Variants in ZNF331 observed in about 807,000 individuals in gnomAD.
ZNF331 encodes zinc finger protein 331, also known as C2H2-like zinc finger protein rearranged in thyroid adenomas.
Under a neutral mutation model 7.0 loss-of-function variants are expected in ZNF331, and 2 were observed. That is an observed-to-expected ratio of 0.29 (90% CI 0.12 to 0.90). The LOEUF is 0.90. Ranked by LOEUF, ZNF331 falls within the 40% of genes least tolerant of loss-of-function variation. The probability of loss-of-function intolerance (pLI) is 0.58; values close to 1 mark genes in which losing one functional copy is unlikely to be tolerated. For synonymous variants in ZNF331, 196 were observed against 205.4 expected (o/e 0.95, Z 0.39); for missense variants, 432 against 587.7 (o/e 0.74, Z 2.74).
chr19:53,536,562 A>G (rs1292529581), upstream of ZNF331, among the ~76,000 whole-genome samples: 2 of 152,186 alleles, frequency 1.3e-5, no homozygotes, highest in African/African-American at 4.8e-5. Context: ...ACCATGGTTT[A>G]ATCTGATTTT....
rs544063567 is a variant in ZNF331, at chr19:53,539,809, C to T, written c.-138+527C>T. On this transcript the variant is annotated intron_variant, in intron 2 of 5. Coordinates refer to ENST00000449416, the MANE Select transcript of ZNF331 (RefSeq NM_001079906.2). This position sits in a 1 kb window ranked among gnomAD's most constrained non-coding sequence, Gnocchi z 6.1. ...ACATTTAGACCCATTGGTCTACAAT[C>T]GAAGGCTGTGTACCTTGACCACAAT... Among the ~76,000 whole-genome samples the T allele has an allele frequency of 7.2e-5, 11 of 152,258 alleles. No homozygotes were observed. In the South Asian group the frequency reaches 1.4e-3, roughly 20 times the overall value.
chr19:53,545,888 G>T (rs1404759536), intron 2 of ZNF331, among the ~76,000 whole-genome samples: 1 of 152,134 alleles, frequency 6.6e-6, no homozygotes, highest in African/African-American at 2.4e-5. Context: ...GGAGGGAGAG[G>T]TGACTAACTT....
chr19:53,568,214 C>A (rs750539331), intron 3 of ZNF331, among the ~76,000 whole-genome samples: 2 of 150,328 alleles, frequency 1.3e-5, no homozygotes, highest in Non-Finnish European at 2.9e-5. Context: ...CACTGCACTC[C>A]AGCCTGGGCA....
chr19:53,520,755 G>T (rs539595761), upstream of ZNF331, among the ~76,000 whole-genome samples: 1 of 152,300 alleles, frequency 6.6e-6, no homozygotes, highest in East Asian at 1.9e-4. Context: ...CGCCCTTCCA[G>T]ATACGTCGAT....
chr19:53,559,820 A>T (rs1229334025), intron 3 of ZNF331, among the ~76,000 whole-genome samples: 1 of 151,316 alleles, frequency 6.6e-6, no homozygotes, highest in Non-Finnish European at 1.5e-5. Flanking sequence ...ACACACCATA[A>T]CACACGTATA....
intron 2 of ZNF331, among the ~76,000 whole-genome samples, chr19:53,546,709 G>A (rs1268136724): frequency 6.6e-6 from 1 of 152,186 alleles, no homozygotes; most frequent in Non-Finnish European, 1.5e-5. Context: ...AAGTTAGTTT[G>A]TTTAGTCTGT....
intron 5 of ZNF331, among the ~76,000 whole-genome samples, chr19:53,575,892 C>T (rs1488753834): frequency 6.6e-6 from 1 of 151,912 alleles, no homozygotes; most frequent in Non-Finnish European, 1.5e-5. Context: ...CCGTGTTGGC[C>T]AGGCTGGTCT....
At chr19:53,546,574 T>C (rs2088633134) in intron 2 of ZNF331, among the ~76,000 whole-genome samples, 1 of 151,556 alleles carries the variant, frequency 6.6e-6, no homozygotes, top group Non-Finnish European at 1.5e-5. Flanking sequence ...TCCTAGAGGT[T>C]CATGTTAGCG....
chr19:53,536,852 G>A (rs1344177309), upstream of ZNF331, among the ~76,000 whole-genome samples: 4 of 152,166 alleles, frequency 2.6e-5, no homozygotes, highest in African/African-American at 9.7e-5. Context: ...GCAGTGAGCC[G>A]AGATCGCACC....
upstream of ZNF331, chr19:53,520,968 C>G (rs948345873): frequency 1.3e-5 from 2 of 152,290 alleles, no homozygotes; most frequent in East Asian, 1.9e-4. Context: ...TGACGGGCGC[C>G]CTTCCAGCTG....
Position 53,558,306 on chromosome 19 carries a change from G to T in ZNF331, c.-74+2398G>T, listed in dbSNP as rs2097009079. Among the ~76,000 whole-genome samples, 1 of 152,170 alleles carries T rather than the reference G, an allele frequency of 6.6e-6. No individual in the cohort carries two copies. The highest frequency in any genetic ancestry group is 2.1e-4 in the South Asian group (1 of 4,828). ...AGATGAAGAGATATGTAGGACTAGG[G>T]TTGGAAGAGTCCCAAGCACAGGAGC... On this transcript the variant is annotated intron_variant, in intron 3 of 5. Coordinates refer to ENST00000449416, the MANE Select transcript of ZNF331 (RefSeq NM_001079906.2). This position sits in a 1 kb window ranked among gnomAD's most constrained non-coding sequence, Gnocchi z 4.5.
At chr19:53,566,962 C>CATGTGTATGTGT (rs918381302) in intron 3 of ZNF331, among the ~76,000 whole-genome samples, 2 of 151,850 alleles carry the variant, frequency 1.3e-5, no homozygotes, top group African/African-American at 2.4e-5. Flanking sequence ...CATATATATA[C>CATGTGTATGTGT]ATGTGTATGT....
chr19:53,520,578 T>TG (rs200345690), upstream of ZNF331, among the ~76,000 whole-genome samples: 1,938 of 152,258 alleles, frequency 0.013, 17 homozygotes, highest in Non-Finnish European at 0.019. Context: ...CAGAAGTCTA[T>TG]GGGGGGTGCA....
At position 53,542,394 on chromosome 19, in the gene ZNF331, A is replaced by C. The variant is rs138532488; in HGVS notation, c.-138+3112A>C. ...GACATCACAATAATCACCCATGAAC[A>C]CTAATCACTGGGTGCCTTGCAGATA... On this transcript the variant is annotated intron_variant, in intron 2 of 5. Transcript: ENST00000449416. 3.9e-5 allele frequency among the ~76,000 whole-genome samples: 6 copies of C among 152,212 alleles called. No homozygotes were observed. In the East Asian group the frequency reaches 1.2e-3, roughly 29 times the overall value.
intron 5 of ZNF331, among the ~76,000 whole-genome samples, chr19:53,575,584 C>T: frequency 6.7e-6 from 1 of 148,712 alleles, no homozygotes; most frequent in African/African-American, 2.5e-5. Flanking sequence ...AGCGATTCTC[C>T]TGCCTCAGCC....
At chr19:53,509,983 G>A in the ZNF331 span, among the ~76,000 whole-genome samples, 13 of 152,130 alleles carry the variant, frequency 8.5e-5, no homozygotes, top group Non-Finnish European at 2.9e-5. Context: ...TCGTGAGAAC[G>A]CACTATCAGC....
At position 53,539,874 on chromosome 19, in the gene ZNF331, A is replaced by G. The variant is rs1490199448; in HGVS notation, c.-138+592A>G. Among the ~76,000 whole-genome samples the G allele has an allele frequency of 6.6e-6, 1 of 152,210 alleles. No individual in the cohort carries two copies. Among genetic ancestry groups the G allele is most frequent in the East Asian group, 1.9e-4 (1 of 5,204 alleles). On this transcript the variant is annotated intron_variant, in intron 2 of 5. Coordinates refer to ENST00000449416, the MANE Select transcript of ZNF331 (RefSeq NM_001079906.2). This position sits in a 1 kb window ranked among gnomAD's most constrained non-coding sequence, Gnocchi z 6.1. ...GTGGAAATGGTTAAGTAATTATACC[A>G]CGTTCATTTCATGGAATACTCTGCA...
the ZNF331 span, among the ~76,000 whole-genome samples, chr19:53,513,496 C>T: frequency 8.1e-3 from 1,223 of 151,398 alleles, no homozygotes; most frequent in African/African-American, 0.028. Flanking sequence ...CCAACAACAA[C>T]GTACAGGGGT....
rs1208240450 is a variant in ZNF331 at position 53,571,601 on chromosome 19, C to G, written c.10-3C>G. 1.2e-6 allele frequency: 2 copies of G among 1,613,228 alleles called. No individual in the cohort carries two copies. The highest frequency in any genetic ancestry group is 3.3e-5 in the Admixed American group (2 of 59,764). The stretch of plus-strand genomic sequence containing the variant: ...ATCATGCACGTGTGGGTTTCTGTTT[C>G]AGGGTTTGGTGACGTTCGCCGACGT... On this transcript the variant is annotated splice_polypyrimidine_tract_variant and splice_region_variant and intron_variant, in intron 4 of 5. Coordinates refer to ENST00000449416, the MANE Select transcript of ZNF331 (RefSeq NM_001079906.2). This position sits in a 1 kb window ranked among gnomAD's most constrained non-coding sequence, Gnocchi z 4.7.
Sources: gnomAD v4.1 joint callset for allele counts (sites outside exome capture counted in the v4.1 genomes callset) on GRCh38, gnomAD v4.1.1 for gene constraint, Gnocchi (gnomAD v3.1) non-coding constraint, MANE v1.5 for transcripts, NCBI Gene and HGNC (gene_info 2026-07-23, HGNC 2026-07-21) for gene names.